NRG3: variants seen among roughly 807,000 people sequenced by gnomAD.
NRG3 encodes the protein pro-neuregulin-3, membrane-bound isoform.
Under a neutral mutation model 66.9 loss-of-function variants are expected in NRG3, and 31 were observed. That is an observed-to-expected ratio of 0.46 (90% confidence interval 0.35 to 0.63). The LOEUF (loss-of-function observed/expected upper bound fraction) is 0.63, where lower values mean the gene tolerates loss of function less well. NRG3 is among the 20% of genes least tolerant of loss of function. NRG3 has a pLI of 0.00. For missense variants in NRG3, 910 were observed against 878.9 expected, an observed-to-expected ratio of 1.04 and a Z score of -0.45; for synonymous variants, 393 against 359.4, an observed-to-expected ratio of 1.09 and a Z score of -1.06.
intron 4 of NRG3, among the ~76,000 whole-genome samples, chr10:82,942,414 G>A (rs952976449): frequency 1.3e-5 from 2 of 152,200 alleles, no homozygotes; most frequent in Admixed American, 6.5e-5. Context: ...ATTACCATAA[G>A]GCTGTGTTAC....
chr10:81,932,739 T>C (rs1199238924), intron 1 of NRG3, among the ~76,000 whole-genome samples: 2 of 152,120 alleles, frequency 1.3e-5, no homozygotes, highest in Non-Finnish European at 2.9e-5. Context: ...GTGTTGTTTT[T>C]TAAGATAGTA....
intron 2 of NRG3, among the ~76,000 whole-genome samples, chr10:82,387,400 C>T (rs986140209): frequency 6.6e-6 from 1 of 152,160 alleles, no homozygotes; most frequent in African/African-American, 2.4e-5. Context: ...AATGGCACTG[C>T]CAGGCTGGTT....
At chr10:82,920,855 T>C (rs1846358016) in intron 4 of NRG3, among the ~76,000 whole-genome samples, 3 of 152,076 alleles carry the variant, frequency 2.0e-5, no homozygotes, top group Admixed American at 2.0e-4. Context: ...TAAATGGAAA[T>C]CCATGTGCAT....
chr10:82,869,948 A>T (rs1415647043), intron 4 of NRG3, among the ~76,000 whole-genome samples: 5 of 149,526 alleles, frequency 3.3e-5, no homozygotes. Context: ...TAACTTTTCT[A>T]GACTGTCATA....
intron 1 of NRG3, among the ~76,000 whole-genome samples, chr10:82,030,933 A>G (rs1266753458): frequency 6.6e-6 from 1 of 152,136 alleles, no homozygotes; most frequent in Non-Finnish European, 1.5e-5. Flanking sequence ...TTTTAGGTAA[A>G]GGTAGAAATA....
At chr10:82,580,368 AC>A (rs1346268794) in intron 2 of NRG3, among the ~76,000 whole-genome samples, 1 of 151,918 alleles carries the variant, frequency 6.6e-6, no homozygotes, top group African/African-American at 2.4e-5. Context: ...TATTATTAAC[AC>A]TTTTTACAAT....
chr10:82,912,991 C>T lies in NRG3; in HGVS notation c.1055-38478C>T, dbSNP rs566023332. The stretch of plus-strand genomic sequence containing the variant: ...CTGTAATCCCAGCACTTTGGGAGGC[C>T]GAGGCAGGTGGATCTCAAAGTCAGG... On this transcript the variant is annotated intron_variant, in intron 4 of 8. Transcript: ENST00000372141. 4.7e-4 allele frequency among the ~76,000 whole-genome samples: 72 copies of T among 152,170 alleles called. No individual in the cohort carries two copies. The South Asian group carries it at 0.012, about 25-fold the overall frequency.
intron 2 of NRG3, among the ~76,000 whole-genome samples, chr10:82,664,018 C>T (rs1407901224): frequency 1.3e-5 from 2 of 152,164 alleles, no homozygotes; most frequent in Non-Finnish European, 2.9e-5. Context: ...TATGTCTACT[C>T]TTTGGGGAGG....
rs548043903 is a variant in NRG3, at chr10:82,505,564, G to A, written c.953+146696G>A. On this transcript the variant is annotated intron_variant, in intron 2 of 8. Coordinates refer to ENST00000372141, the MANE Select transcript of NRG3 (RefSeq NM_001010848.4). ...GCTCTGTCACTCACTAGCTGTTGAC[G>A]TTTGTGTAAGTCAGTGCACAATCAC... 3.3e-4 allele frequency among the ~76,000 whole-genome samples: 50 copies of A among 152,258 alleles called. 1 individual carries two copies. Among genetic ancestry groups the A allele is most frequent in the Admixed American group, 3.1e-3 (47 of 15,292 alleles).
At chr10:81,995,273 A>C (rs2060894817) in intron 1 of NRG3, among the ~76,000 whole-genome samples, 1 of 152,220 alleles carries the variant, frequency 6.6e-6, no homozygotes. Context: ...AGTATACAAG[A>C]GATAAAGGAA....
At chr10:82,396,744 A>G (rs2086738510) in intron 2 of NRG3, among the ~76,000 whole-genome samples, 1 of 152,142 alleles carries the variant, frequency 6.6e-6, no homozygotes. Context: ...GACTGGTGTT[A>G]TTTAATTAAA....
rs751108013 is a variant in NRG3 at position 81,875,873 on chromosome 10, G to A, written c.533G>A (p.Ser178Asn). ...FPGHRVPIRA[S>N]PRSTTARNTA... ...GGGCACCGGGTGCCCATCCGGGCCA[G>A]CCCGCGCTCCACCACAGCACGGAAC... is the stretch of plus-strand genomic sequence containing the variant. Residue 178 changes from serine to asparagine, a missense_variant, in exon 1 of 9, where the codon AGC (serine) becomes AAC (asparagine). Coordinates refer to ENST00000372141, the MANE Select transcript of NRG3 (RefSeq NM_001010848.4). This position sits in a 1 kb window ranked among gnomAD's most constrained non-coding sequence, Gnocchi z 5.3. The A allele has an allele frequency of 1.2e-6, 2 of 1,610,944 alleles. No individual in the cohort carries two copies. Among genetic ancestry groups the A allele is most frequent in the South Asian group, 1.1e-5 (1 of 91,038 alleles).
At chr10:82,434,960 A>G (rs2090042397) in intron 2 of NRG3, among the ~76,000 whole-genome samples, 1 of 152,176 alleles carries the variant, frequency 6.6e-6, no homozygotes, top group Non-Finnish European at 1.5e-5. Context: ...TGGCTTCATA[A>G]AATGAGTTAG....
At chr10:82,368,808 T>C (rs1350330884) in intron 2 of NRG3, among the ~76,000 whole-genome samples, 1 of 139,078 alleles carries the variant, frequency 7.2e-6, no homozygotes, top group Non-Finnish European at 1.5e-5. Flanking sequence ...TAGCCAGAGA[T>C]GATCTATCAG....
intron 2 of NRG3, among the ~76,000 whole-genome samples, chr10:82,439,719 A>G (rs1054926730): frequency 1.3e-5 from 2 of 151,996 alleles, no homozygotes; most frequent in Non-Finnish European, 2.9e-5. Flanking sequence ...TTAATTAGTT[A>G]TATATTTAAT....
At chr10:82,479,366 G>A (rs1160746835) in intron 2 of NRG3, among the ~76,000 whole-genome samples, 1 of 151,994 alleles carries the variant, frequency 6.6e-6, no homozygotes, top group Non-Finnish European at 1.5e-5. Flanking sequence ...GAGGAAGGGG[G>A]GAAGAGAGGA....
intron 1 of NRG3, among the ~76,000 whole-genome samples, chr10:81,911,727 C>CCA (rs112669396): frequency 0.21 from 30,724 of 145,762 alleles, 3,848 homozygotes; most frequent in East Asian, 0.41. Flanking sequence ...TTCCCCGTTA[C>CCA]CACACACACA....
intron 1 of NRG3, among the ~76,000 whole-genome samples, chr10:82,171,985 A>C (rs2072655085): frequency 6.6e-6 from 1 of 152,132 alleles, no homozygotes; most frequent in Admixed American, 6.6e-5. Flanking sequence ...ACATCAGAAT[A>C]AAGGTAAATG....
intron 1 of NRG3, among the ~76,000 whole-genome samples, chr10:81,951,353 A>C (rs1332887168): frequency 6.6e-6 from 1 of 152,148 alleles, no homozygotes; most frequent in Non-Finnish European, 1.5e-5. Context: ...CTGAGACTTG[A>C]AACAGCAAAA....
Sources: allele counts gnomAD v4.1 joint callset (sites outside exome capture counted in the v4.1 genomes callset), GRCh38; gene constraint gnomAD v4.1.1; non-coding constraint Gnocchi (gnomAD v3.1); transcripts MANE v1.5; gene names NCBI Gene and HGNC (gene_info 2026-07-23, HGNC 2026-07-21).